CALM2: variants seen among roughly 807,000 people sequenced by gnomAD.
CALM2 encodes calmodulin-2.
In CALM2, 2 loss-of-function variants were observed where a neutral mutation model predicts 19.8. The observed-to-expected ratio is 0.10, with a 90% CI of 0.04 to 0.32. The LOEUF is 0.32. Among genes scored for constraint, CALM2 ranks in the 10% least tolerant of loss-of-function variants. CALM2 has a pLI of 1.00. For missense variants in CALM2, 38 were observed against 178.7 expected, an observed-to-expected ratio of 0.21 and a Z score of 4.49; for synonymous variants, 51 against 52.1, an observed-to-expected ratio of 0.98 and a Z score of 0.09.
At chr2:47,176,322 C>G (rs1046036305) in intron 1 of CALM2, 119 bp downstream of exon 1, 3 of 1,265,508 alleles carry the variant, frequency 2.4e-6, no homozygotes, top group Non-Finnish European at 3.3e-6. Context: ...TTCGCGCCAT[C>G]CCTCTGGCAG....
At chr2:47,167,181 T>C (rs948923555) in intron 2 of CALM2, among the ~76,000 whole-genome samples, 7 of 152,168 alleles carry the variant, frequency 4.6e-5, no homozygotes, top group African/African-American at 1.2e-4. Context: ...TTGCTATACA[T>C]TGAGTAATAT....
chr2:47,176,539 C>T (rs750650314), upstream of CALM2: 1 of 1,576,064 alleles, frequency 6.3e-7, no homozygotes, highest in East Asian at 2.4e-5. Context: ...CCCAGCGCCT[C>T]ATAAACACCT....
rs202158230 is a variant in CALM2, at chr2:47,176,497, C to G, written c.-54G>C. On this transcript the variant is annotated 5_prime_UTR_variant, in exon 1 of 6. Coordinates refer to ENST00000272298, the MANE Select transcript of CALM2 (RefSeq NM_001743.6). ...CGACCACACAACCACTCAGCTCGCT[C>G]TCTCCACTCGGACTAATTCGCCTCC... 7 of 1,611,114 alleles carry G rather than the reference C, an allele frequency of 4.3e-6. No homozygotes were observed. The highest frequency in any genetic ancestry group is 5.9e-6 in the Non-Finnish European group (7 of 1,178,974).
At chr2:47,161,955 A>G (rs1687170268) in intron 4 of CALM2, 97 bp from the exon 5 acceptor site, 1 of 1,011,548 alleles carries the variant, frequency 9.9e-7, no homozygotes, top group Non-Finnish European at 1.5e-6. Flanking sequence ...ACATTGGGGG[A>G]AAAACATACT....
chr2:47,169,077 A>T (rs1159119416), intron 2 of CALM2, among the ~76,000 whole-genome samples: 1 of 152,068 alleles, frequency 6.6e-6, no homozygotes, highest in Admixed American at 6.6e-5. Flanking sequence ...CCCGGCCAAC[A>T]AACTTTCTTT....
At position 47,165,829 on chromosome 2, in the gene CALM2, C is replaced by A. The variant is rs538077597; in HGVS notation, c.35-3167G>T. On this transcript the variant is annotated intron_variant, in intron 2 of 5. Coordinates refer to ENST00000272298, the MANE Select transcript of CALM2 (RefSeq NM_001743.6). Reference sequence around the variant, plus strand: ...TCCCAGGCAACCCTAAAGGTACTAGCAAAAGCCCAAGAGCCACTTTTAACT... The same window carrying A: ...TCCCAGGCAACCCTAAAGGTACTAGAAAAAGCCCAAGAGCCACTTTTAACT... 1.5e-3 allele frequency among the ~76,000 whole-genome samples: 228 copies of A among 152,280 alleles called. 1 individual carries two copies. The highest frequency in any genetic ancestry group is 5.3e-3 in the African/African-American group (220 of 41,536).
chr2:47,160,848 A>T, intron 5 of CALM2, 44 bp from the exon 6 acceptor site: 2 of 785,120 alleles, frequency 2.5e-6, no homozygotes, highest in South Asian at 2.4e-5. Flanking sequence ...ATAGCAAAAG[A>T]CCAAAAAAAA....
intron 1 of CALM2, 121 bp from the exon 2 acceptor site, chr2:47,170,885 A>T (rs1366985620): frequency 1.3e-6 from 1 of 794,170 alleles, no homozygotes; most frequent in East Asian, 2.5e-5. Flanking sequence ...CCAGCAACAA[A>T]CACATCTGGA....
At chr2:47,166,952 T>A (rs866091600) in intron 2 of CALM2, among the ~76,000 whole-genome samples, 1 of 152,316 alleles carries the variant, frequency 6.6e-6, no homozygotes. Flanking sequence ...TATTTGTTCA[T>A]TAGCAACCCC....
In CALM2 at chr2:47,160,180, T is replaced by C. The variant is rs543893798; in HGVS notation, c.*596A>G. ...GAGCAACCATTGGGTAAATTGTAAT[T>C]TTTTTATTGGAAAACAAATATACAA... is the stretch of plus-strand genomic sequence containing the variant. On this transcript the variant is annotated 3_prime_UTR_variant, in exon 6 of 6. Coordinates refer to ENST00000272298, the MANE Select transcript of CALM2 (RefSeq NM_001743.6). The C allele has an allele frequency of 6.5e-6, 1 of 152,716 alleles. No individual in the cohort carries two copies. Among genetic ancestry groups the C allele is most frequent in the African/African-American group, 2.4e-5 (1 of 41,564 alleles). 9.5% of individuals were successfully genotyped at this position (152,716 alleles called of 1,614,324 possible). A position where few individuals can be genotyped will look rare whatever the true frequency, so the allele number is the denominator to read the frequency against.
intron 2 of CALM2, among the ~76,000 whole-genome samples, chr2:47,164,256 G>T (rs796620987): frequency 8.8e-5 from 3 of 34,044 alleles, no homozygotes; most frequent in African/African-American, 1.2e-4. Context: ...AAAAAAAGAA[G>T]AAAAAGAAAA....
At chr2:47,172,554 T>G in intron 1 of CALM2, 1 of 959,800 alleles carries the variant, frequency 1.0e-6, no homozygotes, top group Non-Finnish European at 1.4e-6. Flanking sequence ...CCACACCGAA[T>G]GTAGACATGC....
In CALM2 at chr2:47,164,494, G is replaced by C. The variant is rs368175467; in HGVS notation, c.35-1832C>G. ...CGCCTGTAGTCCCAGCTACTGGGGA[G>C]GCTGCAGCAGCAGAACTGCTTGAAC... On this transcript the variant is annotated intron_variant, in intron 2 of 5. Coordinates refer to ENST00000272298, the MANE Select transcript of CALM2 (RefSeq NM_001743.6). 3.3e-5 allele frequency among the ~76,000 whole-genome samples: 5 copies of C among 151,766 alleles called. No homozygotes were observed. The East Asian group carries it at 7.7e-4, about 23-fold the overall frequency.
intron 1 of CALM2, chr2:47,171,815 G>A (rs1666676909): frequency 6.6e-6 from 1 of 151,990 alleles, no homozygotes; most frequent in Non-Finnish European, 1.5e-5. Flanking sequence ...AATAAACATT[G>A]CCTGGCTTCA....
chr2:47,176,078 C>T (rs1666856885), intron 1 of CALM2, among the ~76,000 whole-genome samples: 1 of 152,170 alleles, frequency 6.6e-6, no homozygotes, highest in South Asian at 2.1e-4. Flanking sequence ...CCTTTCCAGA[C>T]GCCCGACAGA....
upstream of CALM2, chr2:47,176,582 A>C (rs1241623111): frequency 6.5e-7 from 1 of 1,546,422 alleles, no homozygotes. Flanking sequence ...GCATCCAGAT[A>C]ACGGAACATC....
At chr2:47,166,121 C>CA (rs1306082437) in intron 2 of CALM2, among the ~76,000 whole-genome samples, 1 of 152,166 alleles carries the variant, frequency 6.6e-6, no homozygotes, top group Non-Finnish European at 1.5e-5. Context: ...AACCTAATGA[C>CA]AAAAATAGAT....
At chr2:47,176,874 G>A, upstream of CALM2, 1 of 985,398 alleles carries the variant, frequency 1.0e-6, no homozygotes, top group East Asian at 1.1e-4. Flanking sequence ...GGGACTCGCA[G>A]CCGCCGCCGG....
At chr2:47,175,504 G>A (rs1277401861) in intron 1 of CALM2, among the ~76,000 whole-genome samples, 2 of 152,178 alleles carry the variant, frequency 1.3e-5, no homozygotes, top group Non-Finnish European at 2.9e-5. Flanking sequence ...CTAACAAGAT[G>A]TGTATTGCGA....
Sources: allele counts gnomAD v4.1 joint callset (sites outside exome capture counted in the v4.1 genomes callset), GRCh38; gene constraint gnomAD v4.1.1; transcripts MANE v1.5; gene names NCBI Gene and HGNC (gene_info 2026-07-23, HGNC 2026-07-21).